The following OR12D3 variants were observed in gnomAD, a reference collection of about 807,000 sequenced individuals.
OR12D3 encodes olfactory receptor family 12 subfamily D member 3.
For missense variants in OR12D3, 333 were observed against 386.4 expected (o/e 0.86, Z 1.16); for synonymous variants, 142 against 138.8 (o/e 1.02, Z -0.16).
Position 29,374,453 on chromosome 6 carries a change from CGCTATACATGATG to C in OR12D3, c.822_834del (p.Ile275ProfsTer6). ...AGTGGATTCAGTACAGGGGTGACGG[CGCTATACATGATG>C]GCCATTATCCGGTCCTGAATCATGG... On this transcript the variant is annotated frameshift_variant, in exon 1 of 1. Coordinates refer to ENST00000396806, the MANE Select transcript of OR12D3 (RefSeq NM_030959.3). LOFTEE classifies it low-confidence loss of function (END_TRUNC). 6.2e-7 allele frequency: 1 copy of C among 1,611,734 alleles called. No individual in the cohort carries two copies. The highest frequency in any genetic ancestry group is 8.5e-7 in the Non-Finnish European group (1 of 1,179,598).
In OR12D3 at chr6:29,375,030, A is replaced by G. The variant is rs1167253649; in HGVS notation, c.258T>C (p.Ser86=). ...AGCCTAGAAAAGATATAGCCCTGCGACTGCACACGAGGTTTACGAGCAGCT... is the reference window on the plus strand; with the variant it reads ...AGCCTAGAAAAGATATAGCCCTGCGGCTGCACACGAGGTTTACGAGCAGCT... ...LPKLLVNLVC[S]RRAISFLGCI... The change falls in exon 1 of 1, where the codon AGT becomes AGC. Residue 86 remains serine (S), a synonymous_variant. Coordinates refer to ENST00000396806, the MANE Select transcript of OR12D3 (RefSeq NM_030959.3). 1 of 1,613,524 alleles carries G rather than the reference A, an allele frequency of 6.2e-7. No individual in the cohort carries two copies. The highest frequency in any genetic ancestry group is 2.2e-5 in the East Asian group (1 of 44,892).
In OR12D3 at chr6:29,374,983, A is replaced by C; in HGVS notation, c.305T>G (p.Phe102Cys). The C allele has an allele frequency of 6.2e-7, 1 of 1,613,898 alleles. No individual in the cohort carries two copies. The highest frequency in any genetic ancestry group is 8.5e-7 in the Non-Finnish European group (1 of 1,180,040). ...GGCCTCTGTGCTTCCCAAAAAGTGG[A>C]AGAAGTGTAGCTGGGTGATACAGCC... ...FLGCITQLHF[F>C]HFLGSTEAIL... The change falls in exon 1 of 1, where the codon TTC becomes TGC. Residue 102 changes from phenylalanine to cysteine, a missense_variant. Coordinates refer to ENST00000396806, the MANE Select transcript of OR12D3 (RefSeq NM_030959.3).
chr6:29,374,679 G>A lies in OR12D3; in HGVS notation c.609C>T (p.Ser203=), dbSNP rs1318937382. Residue 203 remains serine (S), a synonymous_variant, in exon 1 of 1, where the codon AGC becomes AGT. Coordinates refer to ENST00000396806, the MANE Select transcript of OR12D3 (RefSeq NM_030959.3). Reference sequence around the variant, plus strand: ...TCAGAAAGAAAGCTCCCATGGATATGCTGCCTGTGACAATGGAAAGAAGCC... The same window carrying A: ...TCAGAAAGAAAGCTCCCATGGATATACTGCCTGTGACAATGGAAAGAAGCC... The part of the protein sequence containing the change: ...NQWLLSIVTG[S]ISMGAFFLTL... 1.9e-6 allele frequency: 3 copies of A among 1,612,138 alleles called. No individual in the cohort carries two copies. The highest frequency in any genetic ancestry group is 2.5e-6 in the Non-Finnish European group (3 of 1,180,026).
rs111700609 is a variant in OR12D3, at chr6:29,374,093, A to G, written c.*244T>C. The G allele has an allele frequency of 1.2e-3, 567 of 471,702 alleles. 5 individuals carry two copies. Among genetic ancestry groups the G allele is most frequent in the African/African-American group, 9.8e-3 (495 of 50,266 alleles). 29.2% of individuals were successfully genotyped at this position (471,702 alleles called of 1,614,324 possible). The stretch of plus-strand genomic sequence containing the variant: ...CCTCCTTAGTTCTCCTTGCCACCGA[A>G]TTATCCTGACATATGTACTTACGCG... On this transcript the variant is annotated 3_prime_UTR_variant, in exon 1 of 1. Coordinates refer to ENST00000396806, the MANE Select transcript of OR12D3 (RefSeq NM_030959.3).
rs767170451 is a variant in OR12D3 at position 29,374,804 on chromosome 6, C to T, written c.484G>A (p.Ala162Thr). ...TGAGAGCCACAAAAACTCAGGTGTG[C>T]AGTCATGACAGAATGCATCAGAGCG... Reference protein sequence around the residue: ...FYALMHSVMTAHLSFCGSQKL... With the variant: ...FYALMHSVMTTHLSFCGSQKL... Residue 162 changes from alanine (A) to threonine (T), a missense_variant, in exon 1 of 1, where the codon GCA becomes ACA. By Grantham distance (58) the Ala-to-Thr change is moderately conservative (BLOSUM62 0). Coordinates refer to ENST00000396806, the MANE Select transcript of OR12D3 (RefSeq NM_030959.3). 1.2e-6 allele frequency: 2 copies of T among 1,612,722 alleles called. No homozygotes were observed. The highest frequency in any genetic ancestry group is 2.2e-5 in the East Asian group (1 of 44,868).
At position 29,375,118 on chromosome 6, in the gene OR12D3, A is replaced by T; in HGVS notation, c.170T>A (p.Met57Lys). 6.2e-7 allele frequency: 1 copy of T among 1,613,010 alleles called. No homozygotes were observed. The highest frequency in any genetic ancestry group is 8.5e-7 in the Non-Finnish European group (1 of 1,180,008). The change falls in exon 1 of 1, where the codon ATG becomes AAG. Residue 57 changes from methionine to lysine, a missense_variant. Transcript: ENST00000396806. ...VVLEPQLHSP[M>K]YFFLGNLSCL... is the part of the protein sequence containing the mutation. ...AGAAAGGTTTCCCAGAAAAAAATAC[A>T]TAGGGGAGTGGAGTTGTGGTTCCAA...
chr6:29,374,470 A>G lies in OR12D3; in HGVS notation c.818T>C (p.Met273Thr), dbSNP rs1779304050. ...GGTGACGGCGCTATACATGATGGCC[A>G]TTATCCGGTCCTGAATCATGGAGGT... Reference protein sequence around the residue: ...SATSMIQDRIMAIMYSAVTPV... With the variant: ...SATSMIQDRITAIMYSAVTPV... The change falls in exon 1 of 1, where the codon ATG becomes ACG. Residue 273 changes from methionine to threonine, a missense_variant. Coordinates refer to ENST00000396806, the MANE Select transcript of OR12D3 (RefSeq NM_030959.3). 1 of 1,613,050 alleles carries G rather than the reference A, an allele frequency of 6.2e-7. No homozygotes were observed. The highest frequency in any genetic ancestry group is 8.5e-7 in the Non-Finnish European group (1 of 1,180,024).
chr6:29,374,884 T>A lies in OR12D3; in HGVS notation c.404A>T (p.Asn135Ile). The A allele has an allele frequency of 6.2e-7, 1 of 1,613,366 alleles. No homozygotes were observed. Among genetic ancestry groups the A allele is most frequent in the African/African-American group, 1.3e-5 (1 of 74,882 alleles). ...TGCCAACAGAATACACACCTGGGGG[T>A]TCATGATGACAGTGTAGCGAAGAGG... ...CNPLRYTVIM[N>I]PQVCILLAAA... The change falls in exon 1 of 1, where the codon AAC (asparagine) becomes ATC (isoleucine). Residue 135 changes from asparagine to isoleucine, a missense_variant. By Grantham distance (149) the Asn-to-Ile change is moderately radical. Coordinates refer to ENST00000396806, the MANE Select transcript of OR12D3 (RefSeq NM_030959.3).
rs1484438209 is a variant in OR12D3, at chr6:29,373,813, A to AG, written c.*523_*524insC. On this transcript the variant is annotated 3_prime_UTR_variant, in exon 1 of 1. Transcript: ENST00000396806. ...CCCTAAAATTAAATACCCATTAAAA[A>AG]TTCTCTTCAAGAATTAAGATTAACA... The AG allele has an allele frequency of 8.4e-5, 33 of 393,638 alleles. No homozygotes were observed. Among genetic ancestry groups the AG allele is most frequent in the African/African-American group, 6.6e-4 (32 of 48,514 alleles). 24.4% of individuals were successfully genotyped at this position (393,638 alleles called of 1,614,324 possible).
chr6:29,374,943 G>A lies in OR12D3; in HGVS notation c.345C>T (p.Ile115=). ...LGSTEAILLA[I]MAFDRFVAIC... ...TGGCAACAAAACGGTCAAAGGCCAT[G>A]ATAGCCAGTAAAATGGCCTCTGTGC... Residue 115 remains isoleucine (I), a synonymous_variant, in exon 1 of 1, where the codon ATC becomes ATT. Transcript: ENST00000396806. 2 of 1,613,972 alleles carry A rather than the reference G, an allele frequency of 1.2e-6. No homozygotes were observed. Among genetic ancestry groups the A allele is most frequent in the East Asian group, 2.2e-5 (1 of 44,872 alleles).
rs151096169 is a variant in OR12D3, at chr6:29,374,828, C to A, written c.460G>T (p.Ala154Ser). 1 of 1,612,864 alleles carries A rather than the reference C, an allele frequency of 6.2e-7. No individual in the cohort carries two copies. The highest frequency in any genetic ancestry group is 1.7e-5 in the Admixed American group (1 of 60,002). Residue 154 changes from alanine (A) to serine (S), a missense_variant, in exon 1 of 1, where the codon GCT (alanine) becomes TCT (serine). Physicochemically the swap from Ala to Ser is moderately conservative, Grantham distance 99. Transcript: ENST00000396806. ...AAAWLISFFY[A>S]LMHSVMTAHL... ...GCAGTCATGACAGAATGCATCAGAG[C>A]GTAAAAGAAGCTGATGAGCCAGGCC...
In OR12D3 at chr6:29,374,839, C is replaced by T; in HGVS notation, c.449G>A (p.Ser150Asn). Reference protein sequence around the residue: ...ILLAAAAWLISFFYALMHSVM... With the variant: ...ILLAAAAWLINFFYALMHSVM... ...AGAATGCATCAGAGCGTAAAAGAAG[C>T]TGATGAGCCAGGCCGCAGCTGCCAA... Residue 150 changes from serine (S) to asparagine (N), a missense_variant, in exon 1 of 1, where the codon AGC becomes AAC. Coordinates refer to ENST00000396806, the MANE Select transcript of OR12D3 (RefSeq NM_030959.3). 6.2e-7 allele frequency: 1 copy of T among 1,613,724 alleles called. No individual in the cohort carries two copies. The highest frequency in any genetic ancestry group is 1.1e-5 in the South Asian group (1 of 91,080).
In OR12D3 at chr6:29,374,440, A is replaced by AC. The variant is rs777742201; in HGVS notation, c.847dup (p.Val283GlyfsTer10). 6.2e-7 allele frequency: 1 copy of AC among 1,611,640 alleles called. No individual in the cohort carries two copies. The highest frequency in any genetic ancestry group is 1.3e-5 in the African/African-American group (1 of 74,554). The stretch of plus-strand genomic sequence containing the variant: ...AAGGGTGTAGATTAGTGGATTCAGT[A>AC]CAGGGGTGACGGCGCTATACATGAT... On this transcript the variant is annotated frameshift_variant, in exon 1 of 1. Transcript: ENST00000396806. LOFTEE classifies it low-confidence loss of function (END_TRUNC).
Position 29,374,583 on chromosome 6 carries a change from C to A in OR12D3, c.705G>T (p.Lys235Asn). 1.2e-6 allele frequency: 2 copies of A among 1,612,992 alleles called. No homozygotes were observed. Among genetic ancestry groups the A allele is most frequent in the East Asian group, 4.5e-5 (2 of 44,876 alleles). Residue 235 changes from lysine to asparagine, a missense_variant, in exon 1 of 1, where the codon AAG becomes AAT. By Grantham distance (94) the Lys-to-Asn change is moderately conservative. Transcript: ENST00000396806. ...FKNRSCRILHKALSTCASHFM... is the reference protein window; with the variant it reads ...FKNRSCRILHNALSTCASHFM... Reference sequence around the variant, plus strand: ...AATGGGAGGCACAAGTGGACAGAGCCTTGTGGAGTATTCTGCAGGACCTGT... The same window carrying A: ...AATGGGAGGCACAAGTGGACAGAGCATTGTGGAGTATTCTGCAGGACCTGT...
In OR12D3 at chr6:29,373,681, C is replaced by G. The variant is rs933475808; in HGVS notation, c.*656G>C. 3 of 206,738 alleles carry G rather than the reference C, an allele frequency of 1.5e-5. No individual in the cohort carries two copies. The highest frequency in any genetic ancestry group is 2.9e-5 in the Non-Finnish European group (3 of 104,938). 12.8% of individuals were successfully genotyped at this position (206,738 alleles called of 1,614,324 possible). On this transcript the variant is annotated 3_prime_UTR_variant, in exon 1 of 1. Transcript: ENST00000396806. ...AGTCTCTTCACAATGTATACATATA[C>G]TAAAGCATCATGTTGTGAAGCCTAA...
In OR12D3 at chr6:29,374,451, G is replaced by A. The variant is rs764791043; in HGVS notation, c.837C>T (p.Ala279=). 17 of 1,611,024 alleles carry A rather than the reference G, an allele frequency of 1.1e-5. No homozygotes were observed. Among genetic ancestry groups the A allele is most frequent in the African/African-American group, 1.3e-5 (1 of 74,172 alleles). The change falls in exon 1 of 1, where the codon GCC becomes GCT. Residue 279 remains alanine, a synonymous_variant. Coordinates refer to ENST00000396806, the MANE Select transcript of OR12D3 (RefSeq NM_030959.3). ...TTAGTGGATTCAGTACAGGGGTGAC[G>A]GCGCTATACATGATGGCCATTATCC... The part of the protein sequence containing the change: ...QDRIMAIMYS[A]VTPVLNPLIY...
At position 29,374,605 on chromosome 6, in the gene OR12D3, C is replaced by G. The variant is rs746323579; in HGVS notation, c.683G>C (p.Arg228Thr). The G allele has an allele frequency of 4.3e-6, 7 of 1,612,902 alleles. No individual in the cohort carries two copies. The highest frequency in any genetic ancestry group is 1.6e-4 in the Middle Eastern group (1 of 6,084). ...AGCCTTGTGGAGTATTCTGCAGGACCTGTTCTTAAACAGAAGGAAGCCAAT... is the reference window on the plus strand; with the variant it reads ...AGCCTTGTGGAGTATTCTGCAGGACGTGTTCTTAAACAGAAGGAAGCCAAT... The part of the protein sequence containing the change: ...YVIGFLLFKN[R>T]SCRILHKALS... Residue 228 changes from arginine (R) to threonine (T), a missense_variant, in exon 1 of 1, where the codon AGG becomes ACG. By Grantham distance (71) the Arg-to-Thr change is moderately conservative (BLOSUM62 -1). Transcript: ENST00000396806.
Position 29,374,436 on chromosome 6 carries a change from C to T in OR12D3, c.852G>A (p.Leu284=). 6.2e-7 allele frequency: 1 copy of T among 1,612,856 alleles called. No homozygotes were observed. Among genetic ancestry groups the T allele is most frequent in the East Asian group, 2.2e-5 (1 of 44,880 alleles). The change falls in exon 1 of 1, where the codon CTG becomes CTA. Residue 284 remains leucine (L), a synonymous_variant. Coordinates refer to ENST00000396806, the MANE Select transcript of OR12D3 (RefSeq NM_030959.3). Reference sequence around the variant, plus strand: ...TCCTAAGGGTGTAGATTAGTGGATTCAGTACAGGGGTGACGGCGCTATACA... The same window carrying T: ...TCCTAAGGGTGTAGATTAGTGGATTTAGTACAGGGGTGACGGCGCTATACA... ...AIMYSAVTPV[L]NPLIYTLRNK... is the part of the protein sequence containing the mutation.
rs1168856649 is a variant in OR12D3, at chr6:29,374,292, T to G, written c.*45A>C. 7.1e-7 allele frequency: 1 copy of G among 1,400,514 alleles called. No individual in the cohort carries two copies. Among genetic ancestry groups the G allele is most frequent in the African/African-American group, 1.4e-5 (1 of 69,562 alleles). 86.8% of individuals were successfully genotyped at this position (1,400,514 alleles called of 1,614,324 possible). On this transcript the variant is annotated 3_prime_UTR_variant, in exon 1 of 1. Transcript: ENST00000396806. ...AAACAAATCATTTCTTACAGTGAAG[T>G]GATGGAAATCAGTCTTAATAGAAAT...
Sources: allele counts gnomAD v4.1 joint callset, GRCh38; gene constraint gnomAD v4.1.1; transcripts MANE v1.5; gene names NCBI Gene and HGNC (gene_info 2026-07-23, HGNC 2026-07-21).